Variants in KIF13B observed in about 807,000 individuals in gnomAD.
KIF13B encodes kinesin family member 13B.
A neutral mutation model predicts 222.0 loss-of-function variants in KIF13B; 127 were observed. That is an observed-to-expected ratio of 0.57 (90% confidence interval 0.50 to 0.66). The LOEUF (loss-of-function observed/expected upper bound fraction) is 0.66, where lower values mean the gene tolerates loss of function less well. Among genes scored for constraint, KIF13B ranks in the 30% least tolerant of loss-of-function variants. The pLI, the probability that KIF13B is intolerant of heterozygous loss-of-function variation, is 0.00. For missense variants in KIF13B, 2,173 were observed against 2,379.0 expected (o/e 0.91, Z 1.80); for synonymous variants, 976 against 919.0 (o/e 1.06, Z -1.12).
intron 10 of KIF13B, among the ~76,000 whole-genome samples, chr8:29,175,310 G>C (rs753443694): frequency 9.2e-5 from 14 of 152,048 alleles, no homozygotes; most frequent in Admixed American, 2.6e-4. Flanking sequence ...TTTTTCACCA[G>C]ACTCCTATTA....
Position 29,070,778 on chromosome 8 carries a change from G to C in KIF13B, c.5219-12C>G. The C allele has an allele frequency of 1.9e-6, 3 of 1,585,098 alleles. No homozygotes were observed. The highest frequency in any genetic ancestry group is 2.6e-6 in the Non-Finnish European group (3 of 1,166,390). On this transcript the variant is annotated splice_polypyrimidine_tract_variant and intron_variant, in intron 39 of 39. Transcript: ENST00000524189. This position sits in a 1 kb window ranked among gnomAD's most constrained non-coding sequence, Gnocchi z 4.1. ...ACCGTCATTCTTACCTGCGGGGGAA[G>C]GAGAGGGTGATATGGAGGGCAGCCG...
At chr8:29,260,131 T>C (rs914598064) in intron 1 of KIF13B, among the ~76,000 whole-genome samples, 15 of 152,206 alleles carry the variant, frequency 9.9e-5, no homozygotes, top group African/African-American at 3.6e-4. Context: ...ATGCTTAACC[T>C]TCAAATAACT....
chr8:29,099,799 CCTAACATGTTTT>C (rs6150522), intron 35 of KIF13B, among the ~76,000 whole-genome samples: 18,629 of 152,144 alleles, frequency 0.12, 1,177 homozygotes, highest in Middle Eastern at 0.15. Flanking sequence ...TAAGCTCTGT[CCTAACATGTTTT>C]CTACTCTGCA....
intron 17 of KIF13B, among the ~76,000 whole-genome samples, chr8:29,147,008 T>C (rs981382893): frequency 9.9e-5 from 15 of 152,204 alleles, no homozygotes; most frequent in African/African-American, 3.6e-4. Context: ...AAATTTGCAA[T>C]CTGCATCTCA....
chr8:29,077,344 C>T (rs2133488585), intron 37 of KIF13B, among the ~76,000 whole-genome samples: 1 of 152,350 alleles, frequency 6.6e-6, no homozygotes, highest in South Asian at 2.1e-4. Context: ...AAGCACGCGT[C>T]CCACACTGCC....
At chr8:29,150,116 G>A (rs1364028849) in intron 15 of KIF13B, among the ~76,000 whole-genome samples, 181 bp downstream of exon 15, 5 of 151,944 alleles carry the variant, frequency 3.3e-5, no homozygotes, top group Admixed American at 6.6e-5. Context: ...ATGTCCCTAG[G>A]GTTCAGACCA....
At chr8:29,110,922 C>T (rs1016913031) in intron 32 of KIF13B, among the ~76,000 whole-genome samples, 24 of 152,146 alleles carry the variant, frequency 1.6e-4, no homozygotes, top group African/African-American at 5.6e-4. Flanking sequence ...ATCTTAAATG[C>T]CATCAACTGT....
chr8:29,209,276 G>A (rs1212465778), intron 2 of KIF13B, among the ~76,000 whole-genome samples: 1 of 152,162 alleles, frequency 6.6e-6, no homozygotes, highest in East Asian at 1.9e-4. Flanking sequence ...GCTACAGAAA[G>A]AACAGGCTCA....
rs373101329 is a variant in KIF13B, at chr8:29,072,278, C to A, written c.4560G>T (p.Thr1520=). 234 of 1,468,166 alleles carry A rather than the reference C, an allele frequency of 1.6e-4. No homozygotes were observed. Among genetic ancestry groups the A allele is most frequent in the Non-Finnish European group, 2.0e-4 (226 of 1,111,122 alleles). The allele number at this position is 1,468,166 out of a possible 1,614,324, so 90.9% of individuals were successfully genotyped here. A position where few individuals can be genotyped will look rare whatever the true frequency, so the allele number is the denominator to read the frequency against. Residue 1520 remains threonine, a synonymous_variant, in exon 39 of 40, where the codon ACG becomes ACT. Transcript: ENST00000524189. ...PEMGPDVLVQ[T]MGAPALKICD... is the part of the protein sequence containing the mutation. ...AGATCTTCAAGGCCGGGGCCCCCAT[C>A]GTCTGCACCAGCACGTCAGGGCCCA...
intron 37 of KIF13B, among the ~76,000 whole-genome samples, chr8:29,076,056 G>GC (rs1807544002): frequency 1.3e-5 from 2 of 152,230 alleles, no homozygotes; most frequent in African/African-American, 4.8e-5. Flanking sequence ...GGACACATGG[G>GC]CCAGGGAACA....
intron 25 of KIF13B, 129 bp downstream of exon 25, chr8:29,126,993 A>G: frequency 1.2e-6 from 1 of 863,900 alleles, no homozygotes; most frequent in Non-Finnish European, 1.8e-6. Flanking sequence ...ACACAAAAAA[A>G]GACAGCAAAG....
intron 31 of KIF13B, among the ~76,000 whole-genome samples, chr8:29,114,029 T>G (rs1195579383): frequency 2.6e-5 from 4 of 152,194 alleles, no homozygotes; most frequent in Non-Finnish European, 5.9e-5. Context: ...TGAGGAATGA[T>G]TTAAGAGTGC....
chr8:29,086,971 T>G (rs1256569168), intron 37 of KIF13B, among the ~76,000 whole-genome samples: 1 of 152,188 alleles, frequency 6.6e-6, no homozygotes, highest in Non-Finnish European at 1.5e-5. Context: ...ACTTGTGTAT[T>G]TCTTTAAGGT....
chr8:29,126,349 TTTACTTTAAAACAA>T (rs1452975949), intron 26 of KIF13B, 119 bp downstream of exon 26: 2 of 653,980 alleles, frequency 3.1e-6, no homozygotes, highest in Admixed American at 2.8e-5. Flanking sequence ...CCTACTCTGT[TTTACTTTAAAACAA>T]CAAAAAAATC....
At chr8:29,193,989 T>G (rs1435863808) in intron 3 of KIF13B, among the ~76,000 whole-genome samples, 1 of 150,858 alleles carries the variant, frequency 6.6e-6, no homozygotes, top group Non-Finnish European at 1.5e-5. Flanking sequence ...GGCTTTTTTT[T>G]TTTTTTTTGT....
At chr8:29,118,653 G>A (rs1809714833) in intron 30 of KIF13B, among the ~76,000 whole-genome samples, 1 of 152,156 alleles carries the variant, frequency 6.6e-6, no homozygotes. Context: ...GCTCACACAA[G>A]CTCAGTACAA....
intron 8 of KIF13B, among the ~76,000 whole-genome samples, chr8:29,178,186 A>T (rs964336663): frequency 1.3e-5 from 2 of 152,174 alleles, no homozygotes; most frequent in Non-Finnish European, 2.9e-5. Context: ...AAAAGTACTT[A>T]TAAGACTCAA....
intron 37 of KIF13B, among the ~76,000 whole-genome samples, chr8:29,092,315 G>A (rs1325416594): frequency 1.3e-5 from 2 of 152,190 alleles, no homozygotes; most frequent in Non-Finnish European, 2.9e-5. Context: ...TTCAGTGAAA[G>A]AACAGGTTAT....
Position 29,077,379 on chromosome 8 carries a change from C to T in KIF13B, c.4459-2036G>A, listed in dbSNP as rs187017226. 2.0e-5 allele frequency among the ~76,000 whole-genome samples: 3 copies of T among 152,318 alleles called. No homozygotes were observed. In the East Asian group the frequency reaches 5.8e-4, roughly 29 times the overall value. On this transcript the variant is annotated intron_variant, in intron 37 of 39. Coordinates refer to ENST00000524189, the MANE Select transcript of KIF13B (RefSeq NM_015254.4). ...CACGCAGTCCTCGCATGCCAGGGCT[C>T]GTATCTTCATTTTTCTGCCTATAGT...
Sources: allele counts gnomAD v4.1 joint callset (sites outside exome capture counted in the v4.1 genomes callset), GRCh38; gene constraint gnomAD v4.1.1; non-coding constraint Gnocchi (gnomAD v3.1); transcripts MANE v1.5; gene names NCBI Gene and HGNC (gene_info 2026-07-23, HGNC 2026-07-21).